The following DGKH variants were observed in gnomAD, a reference collection of about 807,000 sequenced individuals.
The protein encoded by DGKH is DAG kinase eta.
Under a neutral mutation model 159.3 loss-of-function variants are expected in DGKH, and 90 were observed. The observed-to-expected ratio is 0.57, with a 90% CI of 0.48 to 0.67. DGKH has a LOEUF of 0.67. DGKH is among the 30% of genes least tolerant of loss of function. The pLI, the probability that DGKH is intolerant of heterozygous loss-of-function variation, is 0.00. For synonymous variants in DGKH, 536 were observed against 553.8 expected, an observed-to-expected ratio of 0.97 and a Z score of 0.45; for missense variants, 1,181 against 1,506.1, an observed-to-expected ratio of 0.78 and a Z score of 3.57.
intron 1 of DGKH, among the ~76,000 whole-genome samples, chr13:42,114,895 C>T (rs958936653): frequency 6.6e-6 from 1 of 152,160 alleles, no homozygotes; most frequent in African/African-American, 2.4e-5. Flanking sequence ...ACCTTTTTCC[C>T]CAAAGTGTGA....
chr13:42,215,680 A>G lies in DGKH; in HGVS notation c.3213+13A>G, dbSNP rs1957772114. 3 of 1,596,976 alleles carry G rather than the reference A, an allele frequency of 1.9e-6. No homozygotes were observed. Among genetic ancestry groups the G allele is most frequent in the African/African-American group, 2.7e-5 (2 of 74,706 alleles). On this transcript the variant is annotated intron_variant, in intron 26 of 29. Transcript: ENST00000337343. ...CAGGGTTCCTTTGGTAAGGAAAAGA[A>G]TGACTGGTAACATAAGAATGATGAA... is the stretch of plus-strand genomic sequence containing the variant.
chr13:42,074,088 A>G (rs1470124278), intron 1 of DGKH, among the ~76,000 whole-genome samples: 2 of 152,238 alleles, frequency 1.3e-5, no homozygotes, highest in Non-Finnish European at 2.9e-5. Context: ...TTATGATCAA[A>G]TAAGTGTTTT....
intron 8 of DGKH, among the ~76,000 whole-genome samples, chr13:42,165,959 T>TA (rs1956302662): frequency 6.6e-6 from 1 of 152,132 alleles, no homozygotes; most frequent in South Asian, 2.1e-4. Flanking sequence ...AAAGGCTTTT[T>TA]ACCATGTATA....
At chr13:42,170,202 G>A (rs1243605605) in intron 11 of DGKH, among the ~76,000 whole-genome samples, 1 of 152,210 alleles carries the variant, frequency 6.6e-6, no homozygotes, top group African/African-American at 2.4e-5. Flanking sequence ...TTCCCCTGCT[G>A]TTAGGCATTT....
chr13:42,044,406 C>G (rs1423881315), upstream of DGKH, among the ~76,000 whole-genome samples: 1 of 152,130 alleles, frequency 6.6e-6, no homozygotes, highest in Non-Finnish European at 1.5e-5. Context: ...TCTCCTGCCT[C>G]AGCCTCCCAA....
intron 1 of DGKH, among the ~76,000 whole-genome samples, chr13:42,123,557 C>CA (rs1474334185): frequency 6.7e-6 from 1 of 149,858 alleles, no homozygotes; most frequent in Non-Finnish European, 1.5e-5. Flanking sequence ...AAAAAAAAGT[C>CA]ACAGACTGGG....
chr13:42,087,475 A>C (rs2137736508), intron 1 of DGKH, among the ~76,000 whole-genome samples: 1 of 152,328 alleles, frequency 6.6e-6, no homozygotes, highest in South Asian at 2.1e-4. Flanking sequence ...AAGGGGTTAG[A>C]AATGAAAGGG....
At chr13:42,165,177 C>T (rs1956280559) in intron 7 of DGKH, among the ~76,000 whole-genome samples, 154 bp from the exon 8 acceptor site, 1 of 151,958 alleles carries the variant, frequency 6.6e-6, no homozygotes, top group Admixed American at 6.6e-5. Context: ...TTAGTCATTT[C>T]CTGAAGTATA....
At chr13:42,189,669 G>GA (rs376896277) in intron 15 of DGKH, among the ~76,000 whole-genome samples, 2 of 151,218 alleles carry the variant, frequency 1.3e-5, no homozygotes, top group Non-Finnish European at 1.5e-5. Context: ...TGAAAATATA[G>GA]AAAAAAAAAT....
At chr13:42,216,048 A>T (rs1023841645) in intron 26 of DGKH, among the ~76,000 whole-genome samples, 1 of 152,240 alleles carries the variant, frequency 6.6e-6, no homozygotes, top group African/African-American at 2.4e-5. Context: ...TATGACTGGT[A>T]TGGTCCTCCA....
At chr13:42,051,637 C>A (rs1192291971) in intron 1 of DGKH, among the ~76,000 whole-genome samples, 3 of 140,552 alleles carry the variant, frequency 2.1e-5, no homozygotes, top group African/African-American at 5.2e-5. Flanking sequence ...AAGATTAGCT[C>A]AAAGCCATCT....
intron 1 of DGKH, among the ~76,000 whole-genome samples, chr13:42,063,184 T>G (rs1882307223): frequency 6.6e-6 from 1 of 152,200 alleles, no homozygotes; most frequent in South Asian, 2.1e-4. Flanking sequence ...ACCTATTTTT[T>G]TTTTTGAAGA....
chr13:42,107,675 T>C (rs183950479), intron 1 of DGKH, among the ~76,000 whole-genome samples: 142 of 152,228 alleles, frequency 9.3e-4, no homozygotes, highest in Non-Finnish European at 1.5e-4. Flanking sequence ...TGGTGTTCAG[T>C]TGAGGCCTGC....
At position 42,187,140 on chromosome 13, in the gene DGKH, G is replaced by A. The variant is rs757962617; in HGVS notation, c.1630G>A (p.Ala544Thr). 1.2e-5 allele frequency: 19 copies of A among 1,613,928 alleles called. No individual in the cohort carries two copies. Among genetic ancestry groups the A allele is most frequent in the Admixed American group, 1.7e-5 (1 of 60,010 alleles). The stretch of plus-strand genomic sequence containing the variant: ...AAATGCCGTTGTAGCTGATGCCGTG[G>A]CCAGTAAAGTAAGAGGGGACTCTTC... ...LENAVVADAV[A>T]SKCSVLNEKL... is the part of the protein sequence containing the mutation. The change falls in exon 14 of 30, where the codon GCC (alanine) becomes ACC (threonine). Residue 544 changes from alanine to threonine, a missense_variant. This residue lies in a region of DGKH where 257 missense variants were observed against 281.5 expected (regional missense o/e 0.91). Transcript: ENST00000337343.
intron 7 of DGKH, among the ~76,000 whole-genome samples, chr13:42,163,595 C>T (rs1956244881): frequency 6.6e-6 from 1 of 152,188 alleles, no homozygotes; most frequent in South Asian, 2.1e-4. Context: ...TTTTGATCTG[C>T]ATTTCTCTGA....
At chr13:42,069,082 CTT>C in intron 1 of DGKH, 1 of 1,415,054 alleles carries the variant, frequency 7.1e-7, no homozygotes, top group Non-Finnish European at 1.0e-6. Flanking sequence ...GCTCGAGCTG[CTT>C]ATTAAAGAGG....
At chr13:42,202,825 T>G (rs1957378977) in intron 20 of DGKH, among the ~76,000 whole-genome samples, 1 of 152,222 alleles carries the variant, frequency 6.6e-6, no homozygotes, top group African/African-American at 2.4e-5. Context: ...GTATTAAAAT[T>G]CCAAACATTT....
intron 30 of DGKH, among the ~76,000 whole-genome samples, chr13:42,254,697 C>T (rs887104756): frequency 2.7e-5 from 4 of 150,728 alleles, no homozygotes; most frequent in African/African-American, 7.3e-5. Context: ...AACAATATAA[C>T]GTATTAAGTA....
chr13:42,211,812 T>C (rs1277385077), intron 24 of DGKH, among the ~76,000 whole-genome samples: 2 of 152,158 alleles, frequency 1.3e-5, no homozygotes, highest in Non-Finnish European at 2.9e-5. Context: ...TACATGGCAG[T>C]AGGCAAGAGA....
Sources: allele counts gnomAD v4.1 joint callset (sites outside exome capture counted in the v4.1 genomes callset), GRCh38; gene constraint gnomAD v4.1.1; regional missense constraint gnomAD v4.1.1; transcripts MANE v1.5; gene names NCBI Gene and HGNC (gene_info 2026-07-23, HGNC 2026-07-21).